Variants in TAB2 observed in about 807,000 individuals in gnomAD.
The protein encoded by TAB2 is TGF-beta activated kinase 1 (MAP3K7) binding protein 2.
Under a neutral mutation model 65.0 loss-of-function variants are expected in TAB2, and 3 were observed. The ratio of observed to expected loss-of-function variants is 0.05; its 90% CI spans 0.02 to 0.12. The LOEUF is 0.12. Among genes scored for constraint, TAB2 ranks in the 10% least tolerant of loss-of-function variants. The pLI, the probability that TAB2 is intolerant of heterozygous loss-of-function variation, is 1.00. For missense variants in TAB2, 623 were observed against 840.3 expected (o/e 0.74, Z 3.20); for synonymous variants, 298 against 285.1 (o/e 1.05, Z -0.46).
chr6:149,268,388 C>T (rs1360508893), intron 1 of TAB2, among the ~76,000 whole-genome samples: 1 of 152,118 alleles, frequency 6.6e-6, no homozygotes, highest in Non-Finnish European at 1.5e-5. Context: ...GGCCATGAGC[C>T]CACCTAAAAC....
chr6:149,395,754 T>G (rs1293585861), intron 3 of TAB2, among the ~76,000 whole-genome samples: 1 of 152,178 alleles, frequency 6.6e-6, no homozygotes, highest in African/African-American at 2.4e-5. Context: ...TGTGTTTAAT[T>G]TCCTTCTTAT....
intron 3 of TAB2, among the ~76,000 whole-genome samples, chr6:149,392,356 G>T (rs1459606581): frequency 5.3e-5 from 8 of 152,042 alleles, no homozygotes; most frequent in Non-Finnish European, 4.4e-5. Flanking sequence ...GGGCCAGGCT[G>T]GTCTTGAACT....
upstream of TAB2, among the ~76,000 whole-genome samples, chr6:149,317,248 G>A (rs1342709541): frequency 3.9e-5 from 6 of 152,124 alleles, no homozygotes; most frequent in African/African-American, 1.4e-4. This position sits in a 1 kb window ranked among gnomAD's most constrained non-coding sequence, Gnocchi z 4.7. Context: ...GGCCCAGGCG[G>A]AGAAAGGGGG....
At chr6:149,374,841 A>C (rs549642761) in intron 2 of TAB2, among the ~76,000 whole-genome samples, 1 of 152,322 alleles carries the variant, frequency 6.6e-6, no homozygotes, top group East Asian at 1.9e-4. Flanking sequence ...AGAATAGGGG[A>C]AATTCTACTA....
chr6:149,399,695 T>A (rs1473763173), intron 6 of TAB2, among the ~76,000 whole-genome samples: 6 of 152,214 alleles, frequency 3.9e-5, no homozygotes, highest in Non-Finnish European at 5.9e-5. Flanking sequence ...TCTGTGTGTT[T>A]TGATCCAGGC....
At chr6:149,396,130 G>A (rs112595288) in intron 3 of TAB2, among the ~76,000 whole-genome samples, 1 of 152,226 alleles carries the variant, frequency 6.6e-6, no homozygotes, top group East Asian at 1.9e-4. Flanking sequence ...CAATTCTCCT[G>A]CCTCAGCCTC....
intron 1 of TAB2, among the ~76,000 whole-genome samples, chr6:149,323,358 A>T (rs977986511): frequency 6.6e-6 from 1 of 152,160 alleles, no homozygotes; most frequent in South Asian, 2.1e-4. Context: ...TGAAAAAGTA[A>T]TATAGCAGTT....
intron 1 of TAB2, among the ~76,000 whole-genome samples, chr6:149,295,117 G>C (rs1180528470): frequency 2.0e-5 from 3 of 152,134 alleles, no homozygotes; most frequent in African/African-American, 4.8e-5. Context: ...GGAGGTTATG[G>C]TGGACACCTA....
At chr6:149,303,534 T>C (rs946270688) in intron 1 of TAB2, among the ~76,000 whole-genome samples, 3 of 152,208 alleles carry the variant, frequency 2.0e-5, no homozygotes, top group African/African-American at 7.2e-5. Flanking sequence ...AATCTATGTA[T>C]GTTTACAAAT....
intron 1 of TAB2, among the ~76,000 whole-genome samples, chr6:149,241,433 TA>T (rs1473249084): frequency 6.6e-6 from 1 of 152,244 alleles, no homozygotes; most frequent in East Asian, 1.9e-4. Flanking sequence ...AGTGGCATTA[TA>T]AATTGTTGTA....
intron 1 of TAB2, among the ~76,000 whole-genome samples, chr6:149,365,146 A>G (rs995526744): frequency 6.6e-6 from 1 of 152,210 alleles, no homozygotes; most frequent in Non-Finnish European, 1.5e-5. Context: ...TTCATAAAGT[A>G]TGATTTCTTT....
chr6:149,254,014 G>GAAAGAAAGA (rs1386195559), intron 1 of TAB2, among the ~76,000 whole-genome samples: 1 of 135,642 alleles, frequency 7.4e-6, no homozygotes, highest in African/African-American at 2.7e-5. Flanking sequence ...AAGAAAGAAA[G>GAAAGAAAGA]AAAGAAAGAA....
chr6:149,305,261 T>C (rs911989260), intron 1 of TAB2, among the ~76,000 whole-genome samples: 1 of 152,166 alleles, frequency 6.6e-6, no homozygotes, highest in African/African-American at 2.4e-5. Context: ...CCTGATATAT[T>C]GATTATTAGT....
At chr6:149,357,430 A>AAAAAACACACACACACACACACACACAC in intron 1 of TAB2, among the ~76,000 whole-genome samples, 1 of 111,146 alleles carries the variant, frequency 9.0e-6, no homozygotes, top group Admixed American at 1.0e-4. Flanking sequence ...AGAAAAAAAA[A>AAAAAACACACACACACACACACACACAC]ACACACACAC....
At chr6:149,352,720 T>A (rs62426092) in intron 1 of TAB2, among the ~76,000 whole-genome samples, 35,908 of 152,080 alleles carry the variant, frequency 0.24, 4,429 homozygotes, top group Non-Finnish European at 0.26. Context: ...GAAGAAACAT[T>A]CAGATAAGCA....
intron 1 of TAB2, among the ~76,000 whole-genome samples, chr6:149,241,501 G>T (rs1363619409): frequency 6.6e-6 from 1 of 152,138 alleles, no homozygotes; most frequent in Non-Finnish European, 1.5e-5. Flanking sequence ...TTGAATATTT[G>T]CAAAGATATT....
intron 1 of TAB2, among the ~76,000 whole-genome samples, chr6:149,263,908 T>G (rs1231489679): frequency 6.6e-6 from 1 of 152,202 alleles, no homozygotes; most frequent in Non-Finnish European, 1.5e-5. Flanking sequence ...TTCTTGACTT[T>G]GGAAACTGGA....
chr6:149,281,555 CAAAAAAAAAA>C (rs59196897), intron 1 of TAB2, among the ~76,000 whole-genome samples: 3 of 70,348 alleles, frequency 4.3e-5, no homozygotes, highest in Admixed American at 1.6e-4. Flanking sequence ...GATGCCATCT[CAAAAAAAAAA>C]AAAAAAAAAA....
chr6:149,399,046 A>G, intron 5 of TAB2, 58 bp from the exon 6 acceptor site: 1 of 1,439,806 alleles, frequency 6.9e-7, no homozygotes, highest in South Asian at 1.2e-5. Context: ...CTTGTTTTAA[A>G]AAGTAAAGTT....
Sources: allele counts gnomAD v4.1 joint callset (sites outside exome capture counted in the v4.1 genomes callset), GRCh38; gene constraint gnomAD v4.1.1; non-coding constraint Gnocchi (gnomAD v3.1); transcripts MANE v1.5; gene names NCBI Gene and HGNC (gene_info 2026-07-23, HGNC 2026-07-21).